The following CDH18 variants were observed in gnomAD, a reference collection of about 807,000 sequenced individuals.
CDH18 encodes cadherin-18.
In CDH18, 31 loss-of-function variants were observed where a neutral mutation model predicts 67.9. The ratio of observed to expected loss-of-function variants is 0.46; its 90% confidence interval spans 0.34 to 0.62. The LOEUF is 0.62. Ranked by LOEUF, CDH18 falls within the 20% of genes least tolerant of loss-of-function variation. The probability of loss-of-function intolerance (pLI) is 0.01; values close to 1 mark genes in which losing one functional copy is unlikely to be tolerated. For missense variants in CDH18, 890 were observed against 975.5 expected (o/e 0.91, Z 1.17); for synonymous variants, 362 against 347.2 (o/e 1.04, Z -0.48).
intron 3 of CDH18, among the ~76,000 whole-genome samples, chr5:19,761,010 C>T (rs1772266102): frequency 6.6e-6 from 1 of 152,084 alleles, no homozygotes; most frequent in African/African-American, 2.4e-5. Context: ...ACCCAGCATC[C>T]CCAGGTTTAT....
At chr5:20,467,885 C>A (rs187814506) in intron 1 of CDH18, among the ~76,000 whole-genome samples, 25 of 151,776 alleles carry the variant, frequency 1.6e-4, no homozygotes, top group African/African-American at 5.8e-4. Context: ...ATTTTCCGTA[C>A]TTTTGGCTAA....
At chr5:20,074,637 C>T (rs768147368) in intron 2 of CDH18, among the ~76,000 whole-genome samples, 22 of 151,978 alleles carry the variant, frequency 1.4e-4, no homozygotes, top group African/African-American at 3.9e-4. Context: ...TCATTACATG[C>T]GTGTTTTCAA....
intron 2 of CDH18, among the ~76,000 whole-genome samples, chr5:20,245,013 C>A (rs1743270616): frequency 6.6e-6 from 1 of 152,096 alleles, no homozygotes. Context: ...GACTTGGTAT[C>A]CCTCTTGCTG....
At chr5:20,077,782 C>A (rs1744076363) in intron 2 of CDH18, among the ~76,000 whole-genome samples, 1 of 152,082 alleles carries the variant, frequency 6.6e-6, no homozygotes, top group Non-Finnish European at 1.5e-5. Context: ...ACCACACTTA[C>A]CATGATTTTA....
intron 1 of CDH18, among the ~76,000 whole-genome samples, chr5:20,496,685 T>C (rs1248851923): frequency 3.3e-5 from 5 of 152,134 alleles, no homozygotes; most frequent in Non-Finnish European, 7.4e-5. Context: ...CTTTTACTTG[T>C]ATGGCATGGA....
At chr5:20,436,506 A>G (rs1053937191) in intron 1 of CDH18, among the ~76,000 whole-genome samples, 5 of 151,930 alleles carry the variant, frequency 3.3e-5, no homozygotes, top group Admixed American at 1.3e-4. Flanking sequence ...CAGTAAAAGT[A>G]ACAGGACACG....
intron 8 of CDH18, among the ~76,000 whole-genome samples, chr5:19,568,510 T>C (rs1227168471): frequency 3.3e-5 from 5 of 152,150 alleles, no homozygotes; most frequent in Non-Finnish European, 7.3e-5. Context: ...CTGTGATAAA[T>C]AAATTGCAGT....
chr5:20,100,236 T>G (rs529215732), intron 2 of CDH18, among the ~76,000 whole-genome samples: 114 of 152,300 alleles, frequency 7.5e-4, no homozygotes, highest in African/African-American at 2.6e-3. Context: ...AAGAATGGGG[T>G]AGAATTTTGA....
At chr5:19,860,889 CT>C (rs1174157725) in intron 2 of CDH18, among the ~76,000 whole-genome samples, 1 of 152,020 alleles carries the variant, frequency 6.6e-6, no homozygotes, top group Non-Finnish European at 1.5e-5. Flanking sequence ...TTACTTGTTT[CT>C]TTTTCACTCA....
At chr5:19,730,450 C>T (rs1767438977) in intron 4 of CDH18, among the ~76,000 whole-genome samples, 1 of 152,148 alleles carries the variant, frequency 6.6e-6, no homozygotes, top group Admixed American at 6.5e-5. Context: ...ATGCTTGGGA[C>T]CAACATTTCA....
chr5:19,494,424 A>G (rs1033795531), intron 11 of CDH18, among the ~76,000 whole-genome samples: 2 of 152,324 alleles, frequency 1.3e-5, no homozygotes, highest in East Asian at 1.9e-4. Flanking sequence ...TATAATTACT[A>G]GAGAAGCCAG....
intron 2 of CDH18, among the ~76,000 whole-genome samples, chr5:20,209,417 A>C (rs1425850366): frequency 3.3e-5 from 5 of 152,096 alleles, no homozygotes; most frequent in Non-Finnish European, 5.9e-5. Context: ...TATTATTCAG[A>C]CATAAAATAG....
intron 1 of CDH18, among the ~76,000 whole-genome samples, chr5:20,439,910 GA>G (rs1292706934): frequency 6.6e-6 from 1 of 151,542 alleles, no homozygotes; most frequent in African/African-American, 2.4e-5. Context: ...ATTATTTATT[GA>G]AAGGTAAAAA....
At chr5:20,312,898 T>C (rs1194979238) in intron 1 of CDH18, among the ~76,000 whole-genome samples, 2 of 152,092 alleles carry the variant, frequency 1.3e-5, no homozygotes, top group Non-Finnish European at 2.9e-5. Flanking sequence ...TTTAATCAAT[T>C]CTTTCTTATT....
intron 2 of CDH18, among the ~76,000 whole-genome samples, chr5:20,207,033 T>C (rs1739952818): frequency 6.6e-6 from 1 of 151,888 alleles, no homozygotes; most frequent in Admixed American, 6.6e-5. Flanking sequence ...GAAGGGCATC[T>C]ATTGAACATA....
chr5:20,536,725 C>A (rs1441733501), intron 1 of CDH18, among the ~76,000 whole-genome samples: 2 of 152,132 alleles, frequency 1.3e-5, no homozygotes, highest in African/African-American at 2.4e-5. Context: ...CCACTGGTCA[C>A]AAAAGCTTGG....
chr5:20,474,426 T>C (rs1158353575), intron 1 of CDH18, among the ~76,000 whole-genome samples: 1 of 152,112 alleles, frequency 6.6e-6, no homozygotes, highest in Non-Finnish European at 1.5e-5. Flanking sequence ...GAAGTTTCCT[T>C]CTCCTCACCT....
intron 3 of CDH18, among the ~76,000 whole-genome samples, chr5:19,766,934 T>G (rs145798867): frequency 2.0e-4 from 30 of 152,160 alleles, no homozygotes; most frequent in Non-Finnish European, 1.0e-4. Flanking sequence ...CTTTCCAACT[T>G]CACTCTCATT....
intron 1 of CDH18, among the ~76,000 whole-genome samples, chr5:20,352,844 A>G (rs1055394786): frequency 2.0e-5 from 3 of 151,950 alleles, no homozygotes; most frequent in African/African-American, 7.2e-5. Flanking sequence ...CATTGATGAC[A>G]CTGATGTGAT....
Sources: gnomAD v4.1 joint callset for allele counts (sites outside exome capture counted in the v4.1 genomes callset) on GRCh38, gnomAD v4.1.1 for gene constraint, MANE v1.5 for transcripts, NCBI Gene and HGNC (gene_info 2026-07-23, HGNC 2026-07-21) for gene names.